The following GLRA1 variants were observed in gnomAD, a reference collection of about 807,000 sequenced individuals.
GLRA1 encodes the protein glycine receptor subunit alpha-1.
In GLRA1, 37 loss-of-function variants were observed where a neutral mutation model predicts 48.3. The observed-to-expected ratio is 0.77, with a 90% confidence interval of 0.59 to 1.01. The LOEUF (loss-of-function observed/expected upper bound fraction) is 1.01. Among genes scored for constraint, GLRA1 ranks in the 50% least tolerant of loss-of-function variants. The pLI is 0.00. For missense variants in GLRA1, 427 were observed against 571.0 expected, an observed-to-expected ratio of 0.75 and a Z score of 2.57; for synonymous variants, 196 against 210.7, an observed-to-expected ratio of 0.93 and a Z score of 0.60.
chr5:151,868,720 G>A (rs910609615), intron 3 of GLRA1, among the ~76,000 whole-genome samples: 1 of 152,166 alleles, frequency 6.6e-6, no homozygotes, highest in Admixed American at 6.5e-5. Flanking sequence ...AAGGGCAAAG[G>A]ACAGAAAGCT....
chr5:151,875,215 G>T (rs1192753494), intron 3 of GLRA1, among the ~76,000 whole-genome samples: 1 of 152,104 alleles, frequency 6.6e-6, no homozygotes, highest in Non-Finnish European at 1.5e-5. Flanking sequence ...TTGTTGCCCA[G>T]GTTGGAGTAC....
At chr5:151,858,917 A>G (rs548396347) in intron 4 of GLRA1, among the ~76,000 whole-genome samples, 6 of 152,344 alleles carry the variant, frequency 3.9e-5, no homozygotes, top group South Asian at 2.1e-4. Context: ...ATGCACTGCT[A>G]TAGGACTTTG....
At chr5:151,895,756 G>T (rs572530025) in intron 1 of GLRA1, among the ~76,000 whole-genome samples, 1 of 152,144 alleles carries the variant, frequency 6.6e-6, no homozygotes, top group East Asian at 1.9e-4. Context: ...CCTCCCAGGT[G>T]CTTCCCATGG....
chr5:151,920,517 A>G (rs1754849508), intron 1 of GLRA1, among the ~76,000 whole-genome samples: 1 of 152,090 alleles, frequency 6.6e-6, no homozygotes, highest in South Asian at 2.1e-4. Context: ...TCATAACTCT[A>G]TTTACCAGCC....
chr5:151,904,119 G>A (rs1332599052), intron 1 of GLRA1, among the ~76,000 whole-genome samples: 1 of 152,236 alleles, frequency 6.6e-6, no homozygotes, highest in Non-Finnish European at 1.5e-5. Context: ...CGAGATGGAA[G>A]GAAGAGTGAT....
chr5:151,908,959 G>A (rs1371484947), intron 1 of GLRA1, among the ~76,000 whole-genome samples: 2 of 152,134 alleles, frequency 1.3e-5, no homozygotes, highest in African/African-American at 2.4e-5. Context: ...CCCTAAAGGG[G>A]TCCTAGGTTG....
intron 7 of GLRA1, among the ~76,000 whole-genome samples, chr5:151,835,705 A>G (rs1162916697): frequency 6.6e-6 from 1 of 152,242 alleles, no homozygotes; most frequent in East Asian, 1.9e-4. Context: ...ACCAATGCCA[A>G]AAACCCATGA....
intron 1 of GLRA1, among the ~76,000 whole-genome samples, chr5:151,919,417 T>C (rs1754818640): frequency 6.6e-6 from 1 of 152,232 alleles, no homozygotes. Flanking sequence ...TTTCTCATCA[T>C]AATAAACATT....
At chr5:151,857,867 C>T (rs1046953462) in intron 4 of GLRA1, among the ~76,000 whole-genome samples, 1 of 152,228 alleles carries the variant, frequency 6.6e-6, no homozygotes, top group Non-Finnish European at 1.5e-5. Flanking sequence ...AGCCTTAGAT[C>T]ATCAAGGCAA....
rs145477968 is a variant in GLRA1 at position 151,849,754 on chromosome 5, A to G, written c.912+1636T>C. The G allele has an allele frequency of 1.8e-3, 753 of 427,776 alleles. 4 individuals are homozygous for G. The highest frequency in any genetic ancestry group is 0.014 in the African/African-American group (702 of 49,058). The allele number at this position is 427,776 out of a possible 1,614,324, so 26.5% of individuals were successfully genotyped here. ...TTTTTAGTAGAGACGTGGTTTCACTATGTTGGCCAGGCTGGTCTCCAACTC... is the reference window on the plus strand; with the variant it reads ...TTTTTAGTAGAGACGTGGTTTCACTGTGTTGGCCAGGCTGGTCTCCAACTC... On this transcript the variant is annotated intron_variant, in intron 7 of 8. Transcript: ENST00000274576.
chr5:151,924,366 A>G, intron 1 of GLRA1, 128 bp downstream of exon 1: 4 of 750,028 alleles, frequency 5.3e-6, no homozygotes, highest in Non-Finnish European at 2.5e-6. Flanking sequence ...CGGGGGATGG[A>G]AGGACCCGAT....
At chr5:151,876,238 A>T (rs1489804208) in intron 3 of GLRA1, among the ~76,000 whole-genome samples, 1 of 151,968 alleles carries the variant, frequency 6.6e-6, no homozygotes, top group Non-Finnish European at 1.5e-5. Context: ...TTTCTACTTG[A>T]CTTTTCTTTC....
chr5:151,861,452 T>C (rs2113362372), intron 3 of GLRA1, among the ~76,000 whole-genome samples: 1 of 152,368 alleles, frequency 6.6e-6, no homozygotes, highest in Admixed American at 6.5e-5. Flanking sequence ...CATTGTGGTT[T>C]TGATTTGCAT....
intron 4 of GLRA1, among the ~76,000 whole-genome samples, chr5:151,857,029 C>T (rs1478815916): frequency 1.3e-5 from 2 of 152,182 alleles, no homozygotes; most frequent in Non-Finnish European, 2.9e-5. Flanking sequence ...AGCTGGGGGC[C>T]CGGGCCTGGC....
chr5:151,850,639 C>A (rs1189018157), intron 7 of GLRA1: 2 of 1,438,604 alleles, frequency 1.4e-6, no homozygotes, highest in African/African-American at 1.4e-5. Context: ...GTAGTGCCAA[C>A]ATACACATTC....
At chr5:151,878,025 G>A (rs1180523688) in intron 3 of GLRA1, among the ~76,000 whole-genome samples, 1 of 152,184 alleles carries the variant, frequency 6.6e-6, no homozygotes, top group African/African-American at 2.4e-5. Flanking sequence ...CAGAGGTTGG[G>A]ACGGTTTGGA....
At chr5:151,907,866 T>C (rs1370027121) in intron 1 of GLRA1, among the ~76,000 whole-genome samples, 2 of 152,254 alleles carry the variant, frequency 1.3e-5, no homozygotes, top group Non-Finnish European at 2.9e-5. Flanking sequence ...CTTTTGATGA[T>C]GCCCAGGATT....
At chr5:151,867,155 C>T (rs189244869) in intron 3 of GLRA1, among the ~76,000 whole-genome samples, 1 of 152,112 alleles carries the variant, frequency 6.6e-6, no homozygotes, top group East Asian at 1.9e-4. Flanking sequence ...ATACTTTTAA[C>T]AAATTGCCAT....
At chr5:151,911,600 GTTTTT>G (rs768033241) in intron 1 of GLRA1, among the ~76,000 whole-genome samples, 1 of 92,342 alleles carries the variant, frequency 1.1e-5, no homozygotes, top group Non-Finnish European at 2.1e-5. Flanking sequence ...CCAAGCTAGA[GTTTTT>G]TTTTTTTTTT....
Sources: gnomAD v4.1 joint callset for allele counts (sites outside exome capture counted in the v4.1 genomes callset) on GRCh38, gnomAD v4.1.1 for gene constraint, MANE v1.5 for transcripts, NCBI Gene and HGNC (gene_info 2026-07-23, HGNC 2026-07-21) for gene names.